SDCCAG8: variants seen among roughly 807,000 people sequenced by gnomAD.
The protein encoded by SDCCAG8 is serologically defined colon cancer antigen 8.
In SDCCAG8, 74 loss-of-function variants were observed where a neutral mutation model predicts 101.8. The observed-to-expected ratio is 0.73, with a 90% confidence interval of 0.60 to 0.88. The LOEUF is 0.88. Among genes scored for constraint, SDCCAG8 ranks in the 40% least tolerant of loss-of-function variants. The pLI is 0.00. For synonymous variants in SDCCAG8, 281 were observed against 292.9 expected, an observed-to-expected ratio of 0.96 and a Z score of 0.41; for missense variants, 787 against 822.6, an observed-to-expected ratio of 0.96 and a Z score of 0.53.
intron 16 of SDCCAG8, among the ~76,000 whole-genome samples, chr1:243,463,036 T>C (rs535000038): frequency 1.3e-5 from 2 of 152,346 alleles, no homozygotes; most frequent in South Asian, 4.1e-4. Flanking sequence ...TGACATCTGA[T>C]CCAGGGCCAA....
chr1:243,486,910 A>G (rs1032514301), intron 16 of SDCCAG8, among the ~76,000 whole-genome samples: 4 of 145,992 alleles, frequency 2.7e-5, no homozygotes, highest in African/African-American at 1.1e-4. Flanking sequence ...ATTCTTTTCG[A>G]GCAAGCAGGA....
At chr1:243,308,819 G>A (rs2072425376) in intron 8 of SDCCAG8, among the ~76,000 whole-genome samples, 1 of 152,152 alleles carries the variant, frequency 6.6e-6, no homozygotes, top group Non-Finnish European at 1.5e-5. Context: ...TTATTCTGTG[G>A]AAATTGAGAA....
intron 12 of SDCCAG8, among the ~76,000 whole-genome samples, chr1:243,351,667 A>G (rs939696220): frequency 6.6e-6 from 1 of 152,238 alleles, no homozygotes; most frequent in South Asian, 2.1e-4. Context: ...AGCCTAACAT[A>G]TGTCTAATAA....
At chr1:243,396,554 CT>C (rs1344472148) in intron 13 of SDCCAG8, among the ~76,000 whole-genome samples, 1 of 152,214 alleles carries the variant, frequency 6.6e-6, no homozygotes, top group Non-Finnish European at 1.5e-5. Context: ...GGAATACTCT[CT>C]CCCTTGGCTA....
At chr1:243,399,409 C>T (rs1359026079) in intron 13 of SDCCAG8, among the ~76,000 whole-genome samples, 1 of 152,122 alleles carries the variant, frequency 6.6e-6, no homozygotes, top group Admixed American at 6.6e-5. Context: ...TTTTGGCACA[C>T]GGTTACTGGT....
chr1:243,301,836 A>G (rs1387239863), intron 6 of SDCCAG8, among the ~76,000 whole-genome samples: 1 of 152,242 alleles, frequency 6.6e-6, no homozygotes, highest in Non-Finnish European at 1.5e-5. Flanking sequence ...TAATGCCAGC[A>G]AAGGATGGTT....
chr1:243,325,691 T>G (rs1342382668), intron 9 of SDCCAG8, among the ~76,000 whole-genome samples: 2 of 152,284 alleles, frequency 1.3e-5, no homozygotes, highest in East Asian at 1.9e-4. Flanking sequence ...ACTTTCTAGG[T>G]CTCTGATTTG....
chr1:243,466,612 A>G (rs1328724633), intron 16 of SDCCAG8, among the ~76,000 whole-genome samples: 1 of 152,260 alleles, frequency 6.6e-6, no homozygotes, highest in Non-Finnish European at 1.5e-5. Context: ...TGTTAAGAAC[A>G]GTGCAGGGCA....
chr1:243,320,459 C>T (rs1339391065), intron 9 of SDCCAG8, among the ~76,000 whole-genome samples: 1 of 152,170 alleles, frequency 6.6e-6, no homozygotes, highest in Non-Finnish European at 1.5e-5. Flanking sequence ...TAATGTGGCT[C>T]CCTTTTGCCC....
chr1:243,385,622 T>C lies in SDCCAG8; in HGVS notation c.1616+6759T>C, dbSNP rs547218550. Among the ~76,000 whole-genome samples the C allele has an allele frequency of 2.6e-5, 4 of 152,260 alleles. No homozygotes were observed. The South Asian group carries it at 8.3e-4, about 32-fold the overall frequency. Reference sequence around the variant, plus strand: ...ATGTATAAGAGTAAGTTAAATACAGTACACACAGCGATCAAACAGACACCT... The same window carrying C: ...ATGTATAAGAGTAAGTTAAATACAGCACACACAGCGATCAAACAGACACCT... On this transcript the variant is annotated intron_variant, in intron 13 of 17. Coordinates refer to ENST00000366541, the MANE Select transcript of SDCCAG8 (RefSeq NM_006642.5).
At chr1:243,280,963 T>C (rs2068979214) in intron 4 of SDCCAG8, among the ~76,000 whole-genome samples, 1 of 152,234 alleles carries the variant, frequency 6.6e-6, no homozygotes, top group African/African-American at 2.4e-5. Flanking sequence ...CCCTTTGTGA[T>C]TTTTATAATT....
intron 16 of SDCCAG8, among the ~76,000 whole-genome samples, chr1:243,477,822 G>A (rs181137083): frequency 5.4e-4 from 83 of 152,310 alleles, no homozygotes; most frequent in African/African-American, 1.8e-3. Flanking sequence ...TGCATCCTTT[G>A]TGCCAACACC....
At chr1:243,382,158 G>A (rs1271752297) in intron 13 of SDCCAG8, among the ~76,000 whole-genome samples, 1 of 152,176 alleles carries the variant, frequency 6.6e-6, no homozygotes, top group Non-Finnish European at 1.5e-5. Flanking sequence ...CAGCAGAAGA[G>A]CCTTATGGGC....
At chr1:243,301,134 C>A (rs185457975) in intron 6 of SDCCAG8, among the ~76,000 whole-genome samples, 38 of 151,906 alleles carry the variant, frequency 2.5e-4, no homozygotes, top group Admixed American at 7.9e-4. Flanking sequence ...AGGAGGAATG[C>A]AAAAAAACAT....
intron 11 of SDCCAG8, among the ~76,000 whole-genome samples, chr1:243,342,721 T>A (rs972098846): frequency 2.6e-5 from 4 of 152,122 alleles, no homozygotes; most frequent in Admixed American, 1.3e-4. Flanking sequence ...AATTTGTAAT[T>A]TTTATTTAGG....
intron 13 of SDCCAG8, among the ~76,000 whole-genome samples, chr1:243,394,851 G>GT (rs11442720): frequency 0.14 from 19,749 of 144,714 alleles, 1,480 homozygotes; most frequent in African/African-American, 0.19. Flanking sequence ...CTCTTTTTCT[G>GT]TTTTTTTTTT....
intron 16 of SDCCAG8, among the ~76,000 whole-genome samples, chr1:243,479,064 C>T (rs945406986): frequency 2.0e-5 from 3 of 151,878 alleles, no homozygotes; most frequent in African/African-American, 7.3e-5. Context: ...ACTGATAGGA[C>T]CTCGTTCACG....
intron 12 of SDCCAG8, among the ~76,000 whole-genome samples, chr1:243,344,983 A>T (rs1226418224): frequency 1.3e-5 from 2 of 152,060 alleles, no homozygotes; most frequent in Non-Finnish European, 2.9e-5. Context: ...CTGACTTTTG[A>T]TTTTCTATTT....
chr1:243,314,897 A>G (rs912352862), intron 8 of SDCCAG8, among the ~76,000 whole-genome samples: 1 of 152,166 alleles, frequency 6.6e-6, no homozygotes, highest in African/African-American at 2.4e-5. Context: ...TTTAATAGAG[A>G]CAGAGTTTCA....
Sources: allele counts gnomAD v4.1 joint callset (sites outside exome capture counted in the v4.1 genomes callset), GRCh38; gene constraint gnomAD v4.1.1; transcripts MANE v1.5; gene names NCBI Gene and HGNC (gene_info 2026-07-23, HGNC 2026-07-21).